The following SGCZ variants were observed in gnomAD, a reference collection of about 807,000 sequenced individuals.
SGCZ encodes the protein zeta-sarcoglycan.
Under a neutral mutation model 41.3 loss-of-function variants are expected in SGCZ, and 40 were observed. The ratio of observed to expected loss-of-function variants is 0.97; its 90% CI spans 0.75 to 1.26. The LOEUF (loss-of-function observed/expected upper bound fraction) is 1.26. SGCZ is among the 50% of genes most tolerant of loss of function. SGCZ has a pLI of 0.00. For synonymous variants in SGCZ, 206 were observed against 137.5 expected, an observed-to-expected ratio of 1.50 and a Z score of -3.49; for missense variants, 552 against 369.8, an observed-to-expected ratio of 1.49 and a Z score of -4.04.
intron 1 of SGCZ, among the ~76,000 whole-genome samples, chr8:14,713,710 T>G (rs1474649913): frequency 6.8e-6 from 1 of 147,484 alleles, no homozygotes; most frequent in African/African-American, 2.5e-5. Flanking sequence ...AAAAAAAAGC[T>G]AAAGAAGGAT....
intron 1 of SGCZ, among the ~76,000 whole-genome samples, chr8:14,851,121 G>A (rs1326528513): frequency 6.6e-6 from 1 of 152,094 alleles, no homozygotes. Flanking sequence ...TGTAATCCCA[G>A]CACTTTGGGA....
intron 1 of SGCZ, among the ~76,000 whole-genome samples, chr8:15,058,141 C>T (rs1433088297): frequency 6.6e-6 from 1 of 152,118 alleles, no homozygotes; most frequent in Non-Finnish European, 1.5e-5. Context: ...AGGTACCAAC[C>T]ATACACATGA....
chr8:14,121,745 T>A (rs1403501286), intron 5 of SGCZ, among the ~76,000 whole-genome samples: 1 of 152,192 alleles, frequency 6.6e-6, no homozygotes, highest in Non-Finnish European at 1.5e-5. Flanking sequence ...AAAATTTGAG[T>A]TCCAGATAAG....
intron 2 of SGCZ, among the ~76,000 whole-genome samples, chr8:14,465,847 A>C (rs1801033562): frequency 6.6e-6 from 1 of 151,906 alleles, no homozygotes; most frequent in Non-Finnish European, 1.5e-5. Context: ...GTATATCCAA[A>C]AACATAAATG....
Position 14,086,900 on chromosome 8 carries a change from T to G in SGCZ, c.*3543A>C, listed in dbSNP as rs144034525. ...CTTCCTTAACTGAATCAGAAAAACT[T>G]AAAAATGAATGTGACTAAAGGAAAT... On this transcript the variant is annotated 3_prime_UTR_variant, in exon 8 of 8. Transcript: ENST00000382080. Among the ~76,000 whole-genome samples, 58 of 151,758 alleles carry G rather than the reference T, an allele frequency of 3.8e-4. No individual in the cohort carries two copies. In the East Asian group the frequency reaches 0.011, roughly 29 times the overall value.
intron 2 of SGCZ, among the ~76,000 whole-genome samples, chr8:14,460,827 G>T (rs1800882123): frequency 6.6e-6 from 1 of 152,084 alleles, no homozygotes; most frequent in Non-Finnish European, 1.5e-5. Flanking sequence ...TTAGATACTT[G>T]TTTGAGACAG....
chr8:14,878,011 G>C (rs1004012177), intron 1 of SGCZ, among the ~76,000 whole-genome samples: 2 of 151,920 alleles, frequency 1.3e-5, no homozygotes, highest in Non-Finnish European at 2.9e-5. Context: ...GAAAGCAAAG[G>C]TCAGGATTGC....
At chr8:14,794,899 A>G (rs923688040) in intron 1 of SGCZ, among the ~76,000 whole-genome samples, 10 of 152,214 alleles carry the variant, frequency 6.6e-5, no homozygotes, top group African/African-American at 9.6e-5. Flanking sequence ...AAAAATCTAA[A>G]GAAAAATAAC....
At chr8:14,315,953 G>A (rs1459991123) in intron 3 of SGCZ, among the ~76,000 whole-genome samples, 3 of 151,488 alleles carry the variant, frequency 2.0e-5, no homozygotes, top group East Asian at 3.9e-4. Flanking sequence ...CTATGTAAAG[G>A]GAAAATTTTG....
intron 2 of SGCZ, among the ~76,000 whole-genome samples, chr8:14,528,047 T>A (rs1467887760): frequency 3.9e-5 from 6 of 152,076 alleles, no homozygotes; most frequent in African/African-American, 1.4e-4. Flanking sequence ...TCATCTCATA[T>A]GTTGATCTAA....
intron 2 of SGCZ, among the ~76,000 whole-genome samples, chr8:14,332,397 C>T (rs1283860624): frequency 6.6e-6 from 1 of 151,864 alleles, no homozygotes; most frequent in African/African-American, 2.4e-5. Context: ...GCCGAGATCG[C>T]GCCACTGCAC....
chr8:14,907,396 G>A (rs1563354456), intron 1 of SGCZ, among the ~76,000 whole-genome samples: 3 of 151,868 alleles, frequency 2.0e-5, no homozygotes, highest in South Asian at 4.2e-4. Context: ...CTATCTTGCC[G>A]AGGTTAGTCT....
Position 14,441,222 on chromosome 8 carries a change from G to A in SGCZ, c.234+113510C>T, listed in dbSNP as rs73517470. On this transcript the variant is annotated intron_variant, in intron 2 of 7. Coordinates refer to ENST00000382080, the MANE Select transcript of SGCZ (RefSeq NM_139167.4). ...ACTTTAAATCATCTCCCAAATTACA[G>A]ATTTTCCTCTTTTTAGTTTCTACCT... Among the ~76,000 whole-genome samples the A allele has an allele frequency of 6.1e-3, 922 of 152,184 alleles. 11 individuals are homozygous for A. The highest frequency in any genetic ancestry group is 0.021 in the African/African-American group (881 of 41,542).
intron 4 of SGCZ, among the ~76,000 whole-genome samples, chr8:14,186,092 G>T (rs185731313): frequency 6.6e-6 from 1 of 152,208 alleles, no homozygotes; most frequent in Admixed American, 6.5e-5. Flanking sequence ...GGGCCACAGG[G>T]CTCCCCAGTA....
At chr8:15,151,756 T>G (rs1052761017) in intron 1 of SGCZ, among the ~76,000 whole-genome samples, 25 of 152,186 alleles carry the variant, frequency 1.6e-4, no homozygotes, top group Non-Finnish European at 1.8e-4. Context: ...CAATAAGACT[T>G]AAGCACTGAA....
chr8:14,800,337 T>C (rs367728751), intron 1 of SGCZ, among the ~76,000 whole-genome samples: 12 of 152,188 alleles, frequency 7.9e-5, no homozygotes, highest in East Asian at 1.9e-4. Flanking sequence ...TACCTCATAC[T>C]ATAGATAGAG....
At chr8:15,076,753 C>CTT (rs566416257) in intron 1 of SGCZ, among the ~76,000 whole-genome samples, 18,445 of 143,338 alleles carry the variant, frequency 0.13, 1,245 homozygotes, top group Middle Eastern at 0.23. Context: ...AAGTCTCTCT[C>CTT]ATTTTTTTTT....
intron 3 of SGCZ, among the ~76,000 whole-genome samples, chr8:14,239,963 AAATAG>A (rs1798807424): frequency 6.6e-6 from 1 of 150,880 alleles, no homozygotes; most frequent in African/African-American, 2.4e-5. Flanking sequence ...ACACATGTTA[AAATAG>A]AATAATTAGG....
At chr8:14,361,471 C>G (rs1271337560) in intron 2 of SGCZ, among the ~76,000 whole-genome samples, 1 of 152,170 alleles carries the variant, frequency 6.6e-6, no homozygotes, top group African/African-American at 2.4e-5. Flanking sequence ...TTCATCGAAT[C>G]TGCTATTGAA....
Sources: allele counts gnomAD v4.1 joint callset (sites outside exome capture counted in the v4.1 genomes callset), GRCh38; gene constraint gnomAD v4.1.1; transcripts MANE v1.5; gene names NCBI Gene and HGNC (gene_info 2026-07-23, HGNC 2026-07-21).